Variants in XKR4 observed in about 807,000 individuals in gnomAD.
The protein encoded by XKR4 is XK-related protein 4.
Under a neutral mutation model 53.9 loss-of-function variants are expected in XKR4, and 12 were observed. That is an observed-to-expected ratio of 0.22 (90% confidence interval 0.14 to 0.36). The LOEUF (loss-of-function observed/expected upper bound fraction) is 0.36. Ranked by LOEUF, XKR4 falls within the 10% of genes least tolerant of loss-of-function variation. The pLI is 1.00. For missense variants in XKR4, 799 were observed against 859.5 expected, an observed-to-expected ratio of 0.93 and a Z score of 0.88; for synonymous variants, 354 against 362.4, an observed-to-expected ratio of 0.98 and a Z score of 0.26.
intron 2 of XKR4, among the ~76,000 whole-genome samples, chr8:55,506,972 A>G (rs1806540262): frequency 6.6e-6 from 1 of 152,192 alleles, no homozygotes; most frequent in Non-Finnish European, 1.5e-5. Context: ...AGCTCAGTTA[A>G]TATTAGCTTA....
intron 1 of XKR4, among the ~76,000 whole-genome samples, chr8:55,354,884 A>G (rs1438420473): frequency 6.6e-6 from 1 of 151,826 alleles, no homozygotes; most frequent in Non-Finnish European, 1.5e-5. Context: ...AGGATGATGG[A>G]TAGGACTCAT....
At chr8:55,302,150 T>A (rs1435119474) in intron 1 of XKR4, among the ~76,000 whole-genome samples, 1 of 152,212 alleles carries the variant, frequency 6.6e-6, no homozygotes, top group Non-Finnish European at 1.5e-5. Context: ...AAGTCTTTAA[T>A]CCATCTTGAA....
Position 55,433,775 on chromosome 8 carries a change from C to A in XKR4, c.1006+75898C>A, listed in dbSNP as rs527817055. 2.6e-5 allele frequency among the ~76,000 whole-genome samples: 4 copies of A among 152,304 alleles called. No homozygotes were observed. The South Asian group carries it at 8.3e-4, about 32-fold the overall frequency. On this transcript the variant is annotated intron_variant, in intron 2 of 2. Coordinates refer to ENST00000327381, the MANE Select transcript of XKR4 (RefSeq NM_052898.2). ...GAATCTAGTTCTTTGCCTATAATCC[C>A]AGCACTTAGAGAAGCTGAGGTGGGA...
At position 55,251,995 on chromosome 8, in the gene XKR4, G is replaced by A. The variant is rs1296493536; in HGVS notation, c.807-105683G>A. On this transcript the variant is annotated intron_variant, in intron 1 of 2. Transcript: ENST00000327381. ...TATTATACTGACTGGCCAATCCCAT[G>A]AGTACCAGAGCATTTGTATTTCTAC... Among the ~76,000 whole-genome samples the A allele has an allele frequency of 2.6e-5, 4 of 152,212 alleles. No individual in the cohort carries two copies. In the East Asian group the frequency reaches 7.7e-4, roughly 29 times the overall value.
intron 1 of XKR4, among the ~76,000 whole-genome samples, chr8:55,158,547 G>T (rs1226675652): frequency 6.6e-6 from 1 of 152,102 alleles, no homozygotes; most frequent in Non-Finnish European, 1.5e-5. Flanking sequence ...AATTGCTTTT[G>T]GCAATTTTGT....
chr8:55,192,253 TG>T (rs1249223277), intron 1 of XKR4, among the ~76,000 whole-genome samples: 5 of 146,330 alleles, frequency 3.4e-5, no homozygotes, highest in African/African-American at 1.2e-4. Flanking sequence ...GTTGAAATCC[TG>T]TGCTAGCCAT....
chr8:55,502,089 A>T (rs1340383834), intron 2 of XKR4, among the ~76,000 whole-genome samples: 2 of 152,208 alleles, frequency 1.3e-5, no homozygotes, highest in African/African-American at 4.8e-5. Context: ...GTACATTTTG[A>T]GTACAGAGAC....
At chr8:55,197,525 A>G (rs1817520007) in intron 1 of XKR4, among the ~76,000 whole-genome samples, 1 of 151,826 alleles carries the variant, frequency 6.6e-6, no homozygotes, top group African/African-American at 2.4e-5. Context: ...GTCTAACACC[A>G]AAGCGCTGGG....
At chr8:55,147,910 C>G (rs1402169026) in intron 1 of XKR4, among the ~76,000 whole-genome samples, 1 of 152,066 alleles carries the variant, frequency 6.6e-6, no homozygotes. Flanking sequence ...GATGTCTGTT[C>G]TTTATGGATC....
chr8:55,135,756 A>G (rs1198678257), intron 1 of XKR4: 3 of 396,960 alleles, frequency 7.6e-6, no homozygotes, highest in Non-Finnish European at 1.6e-5. Flanking sequence ...CTGACCCAGC[A>G]GGCCGGTGCA....
chr8:55,207,445 T>C (rs1457305169), intron 1 of XKR4, among the ~76,000 whole-genome samples: 1 of 152,222 alleles, frequency 6.6e-6, no homozygotes, highest in Non-Finnish European at 1.5e-5. Flanking sequence ...TGTATCATAC[T>C]GTACATGTGT....
chr8:55,294,554 A>C (rs1285000667), intron 1 of XKR4, among the ~76,000 whole-genome samples: 1 of 152,158 alleles, frequency 6.6e-6, no homozygotes, highest in Non-Finnish European at 1.5e-5. Flanking sequence ...AATAGACAAC[A>C]TCTCGTGATT....
At chr8:55,311,288 A>G (rs796351677) in intron 1 of XKR4, among the ~76,000 whole-genome samples, 1 of 152,292 alleles carries the variant, frequency 6.6e-6, no homozygotes, top group African/African-American at 2.4e-5. Context: ...GCAGCCACAC[A>G]ATTGCTAAAG....
chr8:55,173,246 G>A (rs1012029079), intron 1 of XKR4, among the ~76,000 whole-genome samples: 2 of 151,458 alleles, frequency 1.3e-5, no homozygotes, highest in Non-Finnish European at 2.9e-5. Flanking sequence ...GGTACTGCAC[G>A]CACACTAAAG....
intron 2 of XKR4, among the ~76,000 whole-genome samples, chr8:55,429,545 T>C (rs1332792921): frequency 6.6e-6 from 1 of 151,324 alleles, no homozygotes; most frequent in Non-Finnish European, 1.5e-5. Flanking sequence ...CTCATCTGTA[T>C]GAAAAAAAAA....
At chr8:55,390,885 T>A (rs2129388597) in intron 2 of XKR4, among the ~76,000 whole-genome samples, 1 of 152,344 alleles carries the variant, frequency 6.6e-6, no homozygotes, top group Non-Finnish European at 1.5e-5. Context: ...GCCATTCTCA[T>A]CTCCTTCTTA....
At chr8:55,184,330 C>T (rs572597033) in intron 1 of XKR4, among the ~76,000 whole-genome samples, 1 of 152,210 alleles carries the variant, frequency 6.6e-6, no homozygotes, top group East Asian at 1.9e-4. Flanking sequence ...GTGATACTTT[C>T]AACATCTCTA....
intron 1 of XKR4, among the ~76,000 whole-genome samples, chr8:55,229,680 T>C (rs1254400512): frequency 1.3e-5 from 2 of 152,246 alleles, no homozygotes; most frequent in East Asian, 3.8e-4. Context: ...GATGTATTAC[T>C]GTCTCCAGTC....
intron 1 of XKR4, among the ~76,000 whole-genome samples, chr8:55,278,967 A>C (rs536364856): frequency 2.0e-5 from 3 of 152,332 alleles, no homozygotes; most frequent in South Asian, 2.1e-4. Context: ...AAACAAAAAC[A>C]AAAACCCAGA....
Sources: gnomAD v4.1 joint callset for allele counts (sites outside exome capture counted in the v4.1 genomes callset) on GRCh38, gnomAD v4.1.1 for gene constraint, MANE v1.5 for transcripts, NCBI Gene and HGNC (gene_info 2026-07-23, HGNC 2026-07-21) for gene names.